Variants in ZNF385B observed in about 807,000 individuals in gnomAD.
The protein encoded by ZNF385B is zinc finger protein 533.
ZNF385B carries 23 observed loss-of-function variants against 39.2 expected under a neutral mutation model. The observed-to-expected ratio is 0.59, with a 90% CI of 0.42 to 0.83. The LOEUF (loss-of-function observed/expected upper bound fraction) is 0.83, where lower values mean the gene tolerates loss of function less well. ZNF385B is among the 40% of genes least tolerant of loss of function. ZNF385B has a pLI of 0.00. For synonymous variants in ZNF385B, 205 were observed against 222.6 expected, an observed-to-expected ratio of 0.92 and a Z score of 0.70; for missense variants, 552 against 598.9, an observed-to-expected ratio of 0.92 and a Z score of 0.82.
intron 1 of ZNF385B, among the ~76,000 whole-genome samples, chr2:179,816,090 A>G (rs1037944303): frequency 3.3e-5 from 5 of 152,122 alleles, no homozygotes; most frequent in African/African-American, 1.2e-4. Context: ...CTGAATGTCT[A>G]TCAAACTGCC....
intron 3 of ZNF385B, among the ~76,000 whole-genome samples, chr2:179,615,786 T>C (rs898906230): frequency 2.6e-4 from 39 of 152,180 alleles, no homozygotes; most frequent in African/African-American, 8.2e-4. Flanking sequence ...CTGGAGCTGA[T>C]TTCCTGCTAA....
At chr2:179,720,365 C>A (rs985898674) in intron 3 of ZNF385B, among the ~76,000 whole-genome samples, 15 of 131,324 alleles carry the variant, frequency 1.1e-4, no homozygotes, top group African/African-American at 3.4e-4. Context: ...CATCCAAAAG[C>A]ATGAAAAAGG....
intron 3 of ZNF385B, among the ~76,000 whole-genome samples, chr2:179,621,431 A>G (rs1690203638): frequency 6.6e-6 from 1 of 152,212 alleles, no homozygotes; most frequent in Non-Finnish European, 1.5e-5. Context: ...TGGAAAGCTA[A>G]TAAATGTTAA....
At chr2:179,450,844 C>T (rs1333336154) in intron 6 of ZNF385B, among the ~76,000 whole-genome samples, 23 of 151,966 alleles carry the variant, frequency 1.5e-4, no homozygotes, top group Admixed American at 1.5e-3. Context: ...AGACTTGGAA[C>T]CAACCTAAAT....
chr2:179,726,743 TGAG>T (rs1422551618), intron 3 of ZNF385B, among the ~76,000 whole-genome samples: 1 of 152,010 alleles, frequency 6.6e-6, no homozygotes, highest in Admixed American at 6.6e-5. Flanking sequence ...GTGACAATGA[TGAG>T]GAGGAGATAA....
chr2:179,838,879 A>G (rs1708392505), intron 1 of ZNF385B, among the ~76,000 whole-genome samples: 1 of 147,860 alleles, frequency 6.8e-6, no homozygotes, highest in Non-Finnish European at 1.5e-5. Context: ...TGAACCAATA[A>G]TAATTAAACT....
At chr2:179,786,318 T>C (rs956976834) in intron 1 of ZNF385B, among the ~76,000 whole-genome samples, 2 of 152,174 alleles carry the variant, frequency 1.3e-5, no homozygotes, top group African/African-American at 4.8e-5. Context: ...GGTATTGCTG[T>C]ATTTTTAGAG....
At chr2:179,577,673 G>A (rs376757420) in intron 3 of ZNF385B, among the ~76,000 whole-genome samples, 7 of 151,712 alleles carry the variant, frequency 4.6e-5, no homozygotes, top group East Asian at 3.9e-4. Context: ...AACTATAATC[G>A]CTTTTTACAA....
At chr2:179,545,723 A>G (rs751441063) in intron 3 of ZNF385B, among the ~76,000 whole-genome samples, 2 of 152,022 alleles carry the variant, frequency 1.3e-5, no homozygotes, top group Admixed American at 6.6e-5. Context: ...TGTCACCTCT[A>G]TTTGTTTTGT....
At chr2:179,653,371 C>T (rs902174601) in intron 3 of ZNF385B, among the ~76,000 whole-genome samples, 1 of 152,208 alleles carries the variant, frequency 6.6e-6, no homozygotes, top group Non-Finnish European at 1.5e-5. Flanking sequence ...AATGGCCTCT[C>T]TCTAGAAGAA....
chr2:179,634,731 C>T (rs1305929285), intron 3 of ZNF385B, among the ~76,000 whole-genome samples: 1 of 152,158 alleles, frequency 6.6e-6, no homozygotes, highest in Non-Finnish European at 1.5e-5. Flanking sequence ...ATAAATCATG[C>T]TAGTATAAAG....
chr2:179,637,156 CA>C (rs1691834938), intron 3 of ZNF385B: 1 of 152,082 alleles, frequency 6.6e-6, no homozygotes, highest in South Asian at 2.1e-4. Context: ...GAGTTGCCAG[CA>C]AATATTTCAG....
chr2:179,688,467 C>G (rs146679955), intron 3 of ZNF385B, among the ~76,000 whole-genome samples: 2,576 of 149,966 alleles, frequency 0.017, 36 homozygotes, highest in Non-Finnish European at 0.026. Context: ...GACCACCCCA[C>G]AACCCCACCC....
intron 3 of ZNF385B, among the ~76,000 whole-genome samples, chr2:179,711,275 T>C (rs1699979602): frequency 6.6e-6 from 1 of 152,232 alleles, no homozygotes; most frequent in Admixed American, 6.5e-5. Context: ...CCTATAACCA[T>C]GTGGTTTAAT....
intron 5 of ZNF385B, among the ~76,000 whole-genome samples, chr2:179,515,022 C>A (rs1027772461): frequency 1.6e-4 from 24 of 152,150 alleles, no homozygotes; most frequent in Non-Finnish European, 7.3e-5. Context: ...AAGTGATCCA[C>A]CCGCCTCGGC....
intron 6 of ZNF385B, among the ~76,000 whole-genome samples, chr2:179,470,990 G>A (rs1209512565): frequency 6.6e-6 from 1 of 152,256 alleles, no homozygotes; most frequent in South Asian, 2.1e-4. Context: ...CAGAGGACAG[G>A]AATTTTGGAG....
intron 1 of ZNF385B, among the ~76,000 whole-genome samples, chr2:179,836,708 C>T (rs1039612982): frequency 6.6e-6 from 1 of 151,338 alleles, no homozygotes; most frequent in Middle Eastern, 3.4e-3. Flanking sequence ...TTAGTAGAGA[C>T]GGGGTTTCAC....
intron 5 of ZNF385B, among the ~76,000 whole-genome samples, chr2:179,512,092 A>C (rs955711429): frequency 6.6e-6 from 1 of 152,170 alleles, no homozygotes; most frequent in Non-Finnish European, 1.5e-5. Flanking sequence ...ATTAATGCTG[A>C]GTACCAAAAT....
chr2:179,774,160 G>A (rs918037191), intron 1 of ZNF385B, among the ~76,000 whole-genome samples: 1 of 151,608 alleles, frequency 6.6e-6, no homozygotes, highest in Non-Finnish European at 1.5e-5. Flanking sequence ...GTGTATGAAT[G>A]TGGTGTGCAT....
Sources: gnomAD v4.1 joint callset for allele counts (sites outside exome capture counted in the v4.1 genomes callset) on GRCh38, gnomAD v4.1.1 for gene constraint, MANE v1.5 for transcripts, NCBI Gene and HGNC (gene_info 2026-07-23, HGNC 2026-07-21) for gene names.